Variants in PTPRD observed in about 807,000 individuals in gnomAD.
PTPRD encodes the protein receptor-type tyrosine-protein phosphatase delta.
A neutral mutation model predicts 214.5 loss-of-function variants in PTPRD; 34 were observed. The ratio of observed to expected loss-of-function variants is 0.16; its 90% confidence interval spans 0.12 to 0.21. The LOEUF is 0.21. Ranked by LOEUF, PTPRD falls within the 10% of genes least tolerant of loss-of-function variation. The pLI, the probability that PTPRD is intolerant of heterozygous loss-of-function variation, is 1.00. For synonymous variants in PTPRD, 1,128 were observed against 845.7 expected, an observed-to-expected ratio of 1.33 and a Z score of -5.79; for missense variants, 2,545 against 2,398.7, an observed-to-expected ratio of 1.06 and a Z score of -1.27.
At chr9:8,449,599 T>G (rs550974359) in intron 34 of PTPRD, 126 bp downstream of exon 34, 1 of 881,406 alleles carries the variant, frequency 1.1e-6, no homozygotes, top group East Asian at 2.6e-5. Flanking sequence ...TCCATAATAG[T>G]AAAATAAAAG....
chr9:8,398,452 A>G (rs146174711), intron 36 of PTPRD, among the ~76,000 whole-genome samples: 1 of 152,170 alleles, frequency 6.6e-6, no homozygotes, highest in Admixed American at 6.5e-5. Flanking sequence ...AAGTGAATAA[A>G]TATATTTATG....
chr9:9,774,754 C>G (rs2098783077), intron 5 of PTPRD, among the ~76,000 whole-genome samples: 1 of 152,126 alleles, frequency 6.6e-6, no homozygotes, highest in African/African-American at 2.4e-5. Flanking sequence ...AAATGCTAAT[C>G]ATTACAGTGT....
chr9:9,682,009 T>A (rs914803394), intron 7 of PTPRD, among the ~76,000 whole-genome samples: 1 of 151,798 alleles, frequency 6.6e-6, no homozygotes, highest in African/African-American at 2.4e-5. Context: ...CATTACCCAC[T>A]CTCTTTCTCT....
rs1359130221 is a variant in PTPRD at position 8,317,370 on chromosome 9, A to G, written c.*504T>C. The G allele has an allele frequency of 8.6e-6, 2 of 232,852 alleles. No homozygotes were observed. Among genetic ancestry groups the G allele is most frequent in the African/African-American group, 2.2e-5 (1 of 45,270 alleles). 14.4% of individuals were successfully genotyped at this position (232,852 alleles called of 1,614,324 possible). A position where few individuals can be genotyped will look rare whatever the true frequency, so the allele number is the denominator to read the frequency against. ...TCAGCAGTATCTTTACAATACTAAA[A>G]AACTAAATCAAGGACTTTCTTTTTA... On this transcript the variant is annotated 3_prime_UTR_variant, in exon 46 of 46. Coordinates refer to ENST00000381196, the MANE Select transcript of PTPRD (RefSeq NM_002839.4).
intron 10 of PTPRD, among the ~76,000 whole-genome samples, chr9:9,160,877 A>G (rs892737120): frequency 2.0e-5 from 3 of 152,212 alleles, no homozygotes; most frequent in Non-Finnish European, 4.4e-5. Context: ...ATTTTCAACA[A>G]CATGAATGAA....
intron 11 of PTPRD, among the ~76,000 whole-genome samples, chr9:8,937,680 T>C (rs1197400493): frequency 6.6e-6 from 1 of 152,212 alleles, no homozygotes; most frequent in Non-Finnish European, 1.5e-5. Context: ...AAGTGCAATA[T>C]ACAAATGCTT....
chr9:8,341,664 G>C (rs1284063389), intron 40 of PTPRD, 29 bp downstream of exon 40: 1 of 1,605,662 alleles, frequency 6.2e-7, no homozygotes, highest in South Asian at 1.1e-5. Context: ...ACTTGCTCCT[G>C]AATAACCACA....
chr9:10,515,814 AC>A (rs1351142307), intron 2 of PTPRD, among the ~76,000 whole-genome samples: 1 of 151,842 alleles, frequency 6.6e-6, no homozygotes, highest in Non-Finnish European at 1.5e-5. Flanking sequence ...TATTTTTCAT[AC>A]CTTGGAATCA....
chr9:8,607,741 G>C (rs1422939690), intron 14 of PTPRD, among the ~76,000 whole-genome samples: 1 of 152,156 alleles, frequency 6.6e-6, no homozygotes, highest in African/African-American at 2.4e-5. Context: ...TCTCCTACTA[G>C]AGCTGCCATG....
intron 7 of PTPRD, among the ~76,000 whole-genome samples, chr9:9,628,356 C>T (rs1470203600): frequency 6.6e-6 from 1 of 152,132 alleles, no homozygotes; most frequent in African/African-American, 2.4e-5. Flanking sequence ...TATCCAAAAA[C>T]ACAATCAATT....
chr9:8,827,647 C>A (rs900832467), intron 11 of PTPRD, among the ~76,000 whole-genome samples: 4 of 152,082 alleles, frequency 2.6e-5, no homozygotes, highest in Non-Finnish European at 4.4e-5. Flanking sequence ...CAGAAAGTAA[C>A]CAAATTCCTT....
intron 11 of PTPRD, among the ~76,000 whole-genome samples, chr9:8,771,719 T>A (rs2095226791): frequency 6.6e-6 from 1 of 152,172 alleles, no homozygotes; most frequent in African/African-American, 2.4e-5. Flanking sequence ...GAACACTGTT[T>A]TCAAATTGCA....
At chr9:9,400,513 T>C (rs1435524031) in intron 8 of PTPRD, among the ~76,000 whole-genome samples, 1 of 152,050 alleles carries the variant, frequency 6.6e-6, no homozygotes, top group Non-Finnish European at 1.5e-5. Flanking sequence ...TCGCTACCTT[T>C]ATCTAACCAA....
intron 35 of PTPRD, among the ~76,000 whole-genome samples, chr9:8,408,418 A>T (rs2093224969): frequency 2.0e-5 from 3 of 152,086 alleles, no homozygotes; most frequent in African/African-American, 7.2e-5. Flanking sequence ...CTTCCATGGG[A>T]TACCCTTGCC....
intron 5 of PTPRD, among the ~76,000 whole-genome samples, chr9:9,836,634 G>C (rs560818642): frequency 1.1e-4 from 17 of 152,222 alleles, no homozygotes; most frequent in Admixed American, 1.0e-3. Flanking sequence ...GTAACATAGA[G>C]AAAAACTGTG....
chr9:8,608,082 T>G (rs1478157915), intron 14 of PTPRD, among the ~76,000 whole-genome samples: 1 of 152,054 alleles, frequency 6.6e-6, no homozygotes, highest in African/African-American at 2.4e-5. Context: ...ATTATTCAAT[T>G]CCGCATATAG....
At chr9:8,391,379 G>T (rs995889898) in intron 36 of PTPRD, among the ~76,000 whole-genome samples, 1 of 152,162 alleles carries the variant, frequency 6.6e-6, no homozygotes. Flanking sequence ...ATGGTTGGCT[G>T]TAACATTATT....
chr9:9,672,087 A>G (rs1357265640), intron 7 of PTPRD, among the ~76,000 whole-genome samples: 1 of 152,214 alleles, frequency 6.6e-6, no homozygotes, highest in African/African-American at 2.4e-5. Context: ...ATCACATTGA[A>G]CTAATCACTA....
Position 10,397,697 on chromosome 9 carries a change from T to C in PTPRD, c.-599-56680A>G, listed in dbSNP as rs571010082. Among the ~76,000 whole-genome samples the C allele has an allele frequency of 4.6e-5, 7 of 152,118 alleles. No individual in the cohort carries two copies. In the East Asian group the frequency reaches 7.8e-4, roughly 17 times the overall value. ...ACCTACGGTATTTAGCACAGTAATA[T>C]GCTGTGCAGGCCTGTGGCCTAGGAG... On this transcript the variant is annotated intron_variant, in intron 2 of 45. Coordinates refer to ENST00000381196, the MANE Select transcript of PTPRD (RefSeq NM_002839.4).
Sources: allele counts gnomAD v4.1 joint callset (sites outside exome capture counted in the v4.1 genomes callset), GRCh38; gene constraint gnomAD v4.1.1; transcripts MANE v1.5; gene names NCBI Gene and HGNC (gene_info 2026-07-23, HGNC 2026-07-21).